The following CSMD1 variants were observed in gnomAD, a reference collection of about 807,000 sequenced individuals.
The protein encoded by CSMD1 is CUB and Sushi multiple domains 1.
In CSMD1, 213 loss-of-function variants were observed where a neutral mutation model predicts 417.5. The observed-to-expected ratio is 0.51, with a 90% CI of 0.46 to 0.57. The LOEUF is 0.57. Ranked by LOEUF, CSMD1 falls within the 20% of genes least tolerant of loss-of-function variation. CSMD1 has a pLI of 0.00. For synonymous variants in CSMD1, 2,862 were observed against 1,736.8 expected (o/e 1.65, Z -16.11); for missense variants, 6,923 against 4,529.7 (o/e 1.53, Z -15.17).
intron 49 of CSMD1, among the ~76,000 whole-genome samples, chr8:3,072,362 A>T (rs927055073): frequency 6.6e-6 from 1 of 152,232 alleles, no homozygotes; most frequent in Admixed American, 6.5e-5. Context: ...AGATTTTAAC[A>T]ATTAATTATC....
In CSMD1 at chr8:3,182,691, GTGTA is replaced by G. The variant is rs1386825351; in HGVS notation, c.5621-1481_5621-1478del. On this transcript the variant is annotated intron_variant, in intron 36 of 69. Coordinates refer to ENST00000635120, the MANE Select transcript of CSMD1 (RefSeq NM_033225.6). ...TATAAGAAGCTGTGTGTGTGTGTGT[GTGTA>G]TGTGTGTGTATTGTTAGTAGAGAAG... is the stretch of plus-strand genomic sequence containing the variant. 1.4e-4 allele frequency among the ~76,000 whole-genome samples: 17 copies of G among 124,680 alleles called. 1 individual carries two copies. Among genetic ancestry groups the G allele is most frequent in the South Asian group, 2.6e-4 (1 of 3,876 alleles). 81.8% of individuals were successfully genotyped at this position (124,680 alleles called of 152,430 possible).
At chr8:3,300,539 T>C (rs1221803402) in intron 25 of CSMD1, among the ~76,000 whole-genome samples, 2 of 152,158 alleles carry the variant, frequency 1.3e-5, no homozygotes, top group Non-Finnish European at 2.9e-5. Flanking sequence ...CTAAGACATA[T>C]GAGGATGCTC....
chr8:4,370,682 G>A (rs566781069), intron 3 of CSMD1, among the ~76,000 whole-genome samples: 2 of 152,326 alleles, frequency 1.3e-5, no homozygotes, highest in Admixed American at 1.3e-4. Context: ...AAGGAGTGGT[G>A]TTCAAGACCT....
chr8:3,964,962 T>A (rs1024349758), intron 5 of CSMD1, among the ~76,000 whole-genome samples: 26 of 152,170 alleles, frequency 1.7e-4, no homozygotes, highest in African/African-American at 5.8e-4. Flanking sequence ...GTCATGTAAT[T>A]CTTGGAGAGT....
At chr8:4,100,250 C>T (rs1237182892) in intron 3 of CSMD1, among the ~76,000 whole-genome samples, 1 of 152,138 alleles carries the variant, frequency 6.6e-6, no homozygotes, top group Non-Finnish European at 1.5e-5. Context: ...AAACAGTAGG[C>T]ATGCAGTTAA....
rs1796232569 is a variant in CSMD1, at chr8:3,493,669, C to T, written c.1402G>A (p.Val468Ile). 7 of 1,612,466 alleles carry T rather than the reference C, an allele frequency of 4.3e-6. No individual in the cohort carries two copies. Among genetic ancestry groups the T allele is most frequent in the Non-Finnish European group, 5.9e-6 (7 of 1,179,370 alleles). The change falls in exon 11 of 70, where the codon GTT (valine) becomes ATT (isoleucine). Residue 468 changes from valine (V) to isoleucine (I), a missense_variant. Coordinates refer to ENST00000635120, the MANE Select transcript of CSMD1 (RefSeq NM_033225.6). ...ELERGYDTLT[V>I]GDAGKVGDTR... ...TCTCCCACCTTCCCAGCATCACCAA[C>T]CGTCAGGGTGTCATAGCCTCGCTCC...
At chr8:4,442,087 G>C (rs1330597083) in intron 2 of CSMD1, among the ~76,000 whole-genome samples, 16 of 152,124 alleles carry the variant, frequency 1.1e-4, no homozygotes, top group African/African-American at 9.7e-5. Flanking sequence ...TTGAGTTGTA[G>C]AAACACGTGA....
At chr8:4,758,910 G>A (rs769444976) in intron 1 of CSMD1, among the ~76,000 whole-genome samples, 7 of 152,196 alleles carry the variant, frequency 4.6e-5, no homozygotes, top group Admixed American at 2.0e-4. Flanking sequence ...ACATCATTCA[G>A]TGGTGAGGGA....
chr8:4,655,468 A>AT (rs1181901957), intron 1 of CSMD1, among the ~76,000 whole-genome samples: 1 of 152,262 alleles, frequency 6.6e-6, no homozygotes, highest in African/African-American at 2.4e-5. Context: ...ATTCTGGCTT[A>AT]TTTTTTGGAA....
At chr8:3,267,241 C>T (rs976545050) in intron 26 of CSMD1, among the ~76,000 whole-genome samples, 1 of 152,138 alleles carries the variant, frequency 6.6e-6, no homozygotes, top group Non-Finnish European at 1.5e-5. Flanking sequence ...TGCTAGCTTG[C>T]ATGACCGTTG....
intron 2 of CSMD1, among the ~76,000 whole-genome samples, chr8:4,423,766 C>T (rs528700902): frequency 2.6e-5 from 4 of 151,718 alleles, no homozygotes; most frequent in African/African-American, 4.8e-5. Context: ...AAACATTTTG[C>T]GAGAGAAGAA....
chr8:4,481,553 T>C (rs543252990), intron 2 of CSMD1, among the ~76,000 whole-genome samples: 1 of 152,298 alleles, frequency 6.6e-6, no homozygotes, highest in East Asian at 1.9e-4. Flanking sequence ...CTGTTTTTAT[T>C]TGGTGACGGA....
chr8:3,355,077 G>A (rs766505793), intron 21 of CSMD1, among the ~76,000 whole-genome samples: 2 of 151,858 alleles, frequency 1.3e-5, no homozygotes, highest in African/African-American at 2.4e-5. Context: ...CAAAAACTGA[G>A]GATAAGGGTG....
At chr8:4,137,163 C>T (rs2131001554) in intron 3 of CSMD1, among the ~76,000 whole-genome samples, 1 of 152,250 alleles carries the variant, frequency 6.6e-6, no homozygotes, top group Non-Finnish European at 1.5e-5. Flanking sequence ...AATAGGTTAT[C>T]CATTTCCTCC....
chr8:4,164,771 G>A (rs576000039), intron 3 of CSMD1, among the ~76,000 whole-genome samples: 2 of 151,966 alleles, frequency 1.3e-5, no homozygotes, highest in South Asian at 2.1e-4. Flanking sequence ...AGCTACCTGG[G>A]AGGCGGAGGC....
At position 3,545,992 on chromosome 8, in the gene CSMD1, T is replaced by C. The variant is rs147480939; in HGVS notation, c.1344+28953A>G. Among the ~76,000 whole-genome samples the C allele has an allele frequency of 9.2e-3, 1,405 of 152,310 alleles. 25 individuals carry two copies. The highest frequency in any genetic ancestry group is 0.053 in the East Asian group (273 of 5,174). ...CTAAGCCAAACAATTAGTCAACATATTGATGAGTCACATGACACTGAGAAA... is the reference window on the plus strand; with the variant it reads ...CTAAGCCAAACAATTAGTCAACATACTGATGAGTCACATGACACTGAGAAA... On this transcript the variant is annotated intron_variant, in intron 10 of 69. Transcript: ENST00000635120.
intron 5 of CSMD1, among the ~76,000 whole-genome samples, chr8:3,980,985 T>A (rs1813818250): frequency 6.6e-6 from 1 of 152,194 alleles, no homozygotes; most frequent in Admixed American, 6.5e-5. Flanking sequence ...TTTCCCCACC[T>A]TTGTACCCAC....
intron 7 of CSMD1, among the ~76,000 whole-genome samples, chr8:3,677,467 G>T (rs556098355): frequency 3.9e-5 from 6 of 152,198 alleles, no homozygotes; most frequent in African/African-American, 7.2e-5. Context: ...CTGGGTGAAT[G>T]CACAGATCTG....
chr8:4,505,306 TAA>T (rs1388491484), intron 2 of CSMD1, among the ~76,000 whole-genome samples: 4 of 152,062 alleles, frequency 2.6e-5, no homozygotes, highest in Non-Finnish European at 4.4e-5. Flanking sequence ...ACCAACGAGG[TAA>T]AAGAGAAACA....
Sources: allele counts gnomAD v4.1 joint callset (sites outside exome capture counted in the v4.1 genomes callset), GRCh38; gene constraint gnomAD v4.1.1; transcripts MANE v1.5; gene names NCBI Gene and HGNC (gene_info 2026-07-23, HGNC 2026-07-21).